Variants in PKD1L1 observed in about 807,000 individuals in gnomAD.
The protein encoded by PKD1L1 is polycystin-1-like protein 1.
In PKD1L1, 236 loss-of-function variants were observed where a neutral mutation model predicts 323.4. The observed-to-expected ratio is 0.73, with a 90% CI of 0.66 to 0.81. The LOEUF is 0.81. PKD1L1 is among the 40% of genes least tolerant of loss of function. The pLI is 0.00. For synonymous variants in PKD1L1, 1,344 were observed against 1,335.0 expected (o/e 1.01, Z -0.15); for missense variants, 3,320 against 3,508.0 (o/e 0.95, Z 1.35).
intron 50 of PKD1L1, among the ~76,000 whole-genome samples, chr7:47,810,888 A>G (rs1360962987): frequency 6.6e-6 from 1 of 152,108 alleles, no homozygotes; most frequent in African/African-American, 2.4e-5. Flanking sequence ...CCTAGTGTGG[A>G]TATATGTGGG....
At chr7:47,955,580 T>G in the PKD1L1 span, among the ~76,000 whole-genome samples, 1 of 152,222 alleles carries the variant, frequency 6.6e-6, no homozygotes, top group Non-Finnish European at 1.5e-5. Context: ...TCAGTACACT[T>G]TTTTCTGTAA....
At chr7:47,908,843 C>A (rs183326895) in intron 8 of PKD1L1, among the ~76,000 whole-genome samples, 2 of 152,312 alleles carry the variant, frequency 1.3e-5, no homozygotes, top group East Asian at 3.9e-4. Context: ...CTGGGGCTTG[C>A]CCTCTCTTTC....
chr7:47,894,324 T>G (rs922930642), intron 14 of PKD1L1, among the ~76,000 whole-genome samples: 3 of 152,128 alleles, frequency 2.0e-5, no homozygotes, highest in Non-Finnish European at 4.4e-5. Flanking sequence ...GTGAACACAA[T>G]AGAGACTTTC....
At chr7:47,957,697 T>C in the PKD1L1 span, among the ~76,000 whole-genome samples, 4 of 151,890 alleles carry the variant, frequency 2.6e-5, no homozygotes, top group Non-Finnish European at 5.9e-5. Context: ...GGTTTTGCCA[T>C]GTTGCTCAGG....
chr7:47,800,516 G>T, intron 54 of PKD1L1, 133 bp downstream of exon 54: 4 of 903,334 alleles, frequency 4.4e-6, no homozygotes, highest in Non-Finnish European at 6.8e-6. Context: ...AGGTGAGCTG[G>T]ACGGCAGGGA....
chr7:47,931,977 C>G lies in PKD1L1; in HGVS notation c.478G>C (p.Ala160Pro). 2 of 1,614,042 alleles carry G rather than the reference C, an allele frequency of 1.2e-6. No individual in the cohort carries two copies. The highest frequency in any genetic ancestry group is 1.7e-5 in the Admixed American group (1 of 60,024). The change falls in exon 5 of 57, where the codon GCT (alanine) becomes CCT (proline). Residue 160 changes from alanine (A) to proline (P), a missense_variant. Coordinates refer to ENST00000289672, the MANE Select transcript of PKD1L1 (RefSeq NM_138295.5). ...AATGTGCTGTCTGCGGTCCCAGTAG[C>G]ACACAGCCGCCTGTGATGGAACCTG... ...GPRFHHRRLC[A>P]TGTADSTFSA...
At chr7:47,880,176 AG>A (rs1375367717) in intron 21 of PKD1L1, among the ~76,000 whole-genome samples, 2 of 63,540 alleles carry the variant, frequency 3.1e-5, no homozygotes, top group African/African-American at 2.5e-4. Context: ...ATAGAGAGAG[AG>A]AGAGAGAGAG....
At chr7:47,904,684 AAAC>A in intron 11 of PKD1L1, 67 bp from the exon 12 acceptor site, 1 of 1,532,122 alleles carries the variant, frequency 6.5e-7, no homozygotes, top group South Asian at 1.3e-5. Context: ...AGGTCTAGAG[AAAC>A]CGTCTGCTAT....
rs199500886 is a variant in PKD1L1, at chr7:47,864,576, TTTTCTTTCTTTCTTTCTTTCTTTC to T, written c.4149+616_4149+639del. Among the ~76,000 whole-genome samples the T allele has an allele frequency of 8.9e-3, 959 of 107,618 alleles. 10 individuals are homozygous for T. The highest frequency in any genetic ancestry group is 0.015 in the South Asian group (41 of 2,762). The allele number at this position is 107,618 out of a possible 152,430, so 70.6% of individuals were successfully genotyped here. On this transcript the variant is annotated intron_variant, in intron 26 of 56. Transcript: ENST00000289672. ...TCTTCCTTCTTTTTCTTTTTCTTTCTTTTCTTTCTTTCTTTCTTTCTTTCTTTCTTTCTTTCTTTCTTTCTTTCT... is the reference window on the plus strand; with the variant it reads ...TCTTCCTTCTTTTTCTTTTTCTTTCTTTTCTTTCTTTCTTTCTTTCTTTCT...
intron 21 of PKD1L1, among the ~76,000 whole-genome samples, chr7:47,880,278 A>ATTTT (rs1562970489): frequency 1.4e-5 from 1 of 73,634 alleles, no homozygotes; most frequent in African/African-American, 7.2e-5. Context: ...ATATATATAT[A>ATTTT]TATATATTTT....
At chr7:47,923,094 A>G (rs1000942881) in intron 7 of PKD1L1, among the ~76,000 whole-genome samples, 7 of 152,310 alleles carry the variant, frequency 4.6e-5, no homozygotes, top group Admixed American at 3.9e-4. Flanking sequence ...GATTAAGGGC[A>G]GTGCAAGGTG....
intron 56 of PKD1L1, among the ~76,000 whole-genome samples, chr7:47,782,553 C>T (rs1373332348): frequency 6.6e-6 from 1 of 152,226 alleles, no homozygotes; most frequent in African/African-American, 2.4e-5. Context: ...TTCCTCCCTA[C>T]AGTCCCAGAG....
chr7:47,783,796 A>C (rs917218275), intron 56 of PKD1L1, among the ~76,000 whole-genome samples: 4 of 152,126 alleles, frequency 2.6e-5, no homozygotes, highest in African/African-American at 9.7e-5. Flanking sequence ...CAAGAGAATA[A>C]ATTTCTGTTT....
At chr7:47,799,855 T>A (rs1784622580) in intron 54 of PKD1L1, among the ~76,000 whole-genome samples, 1 of 152,162 alleles carries the variant, frequency 6.6e-6, no homozygotes, top group Non-Finnish European at 1.5e-5. Context: ...CCCACCCTTG[T>A]GATGTGGGCA....
At chr7:47,781,409 G>GTTTT (rs60759497) in intron 56 of PKD1L1, among the ~76,000 whole-genome samples, 12 of 71,764 alleles carry the variant, frequency 1.7e-4, no homozygotes, top group Non-Finnish European at 2.0e-4. Context: ...GTTTTGTTTT[G>GTTTT]TTTTTTTTTT....
At chr7:47,799,004 G>A (rs1584950236) in intron 54 of PKD1L1, among the ~76,000 whole-genome samples, 1 of 152,170 alleles carries the variant, frequency 6.6e-6, no homozygotes, top group African/African-American at 2.4e-5. Flanking sequence ...TTTAAAAACT[G>A]TATTCAAAAT....
chr7:47,832,005 AC>A (rs1445591331), intron 41 of PKD1L1, among the ~76,000 whole-genome samples: 1 of 152,054 alleles, frequency 6.6e-6, no homozygotes, highest in Non-Finnish European at 1.5e-5. Flanking sequence ...AGCTCTTCAT[AC>A]CTCTGGGTGC....
chr7:47,880,924 T>G, intron 20 of PKD1L1, 119 bp from the exon 21 acceptor site: 1 of 628,176 alleles, frequency 1.6e-6, no homozygotes, highest in Non-Finnish European at 2.6e-6. Context: ...ACATAGATAC[T>G]AGTGAAACAT....
At chr7:47,857,512 A>G in intron 28 of PKD1L1, 93 bp downstream of exon 28, 1 of 1,093,188 alleles carries the variant, frequency 9.1e-7, no homozygotes. Flanking sequence ...AGGTGCAAAT[A>G]TGCCAACCTA....
Sources: allele counts gnomAD v4.1 joint callset (sites outside exome capture counted in the v4.1 genomes callset), GRCh38; gene constraint gnomAD v4.1.1; transcripts MANE v1.5; gene names NCBI Gene and HGNC (gene_info 2026-07-23, HGNC 2026-07-21).